Variants in HDAC4 observed in about 807,000 individuals in gnomAD.
HDAC4 encodes the protein histone deacetylase 4.
In HDAC4, 16 loss-of-function variants were observed where a neutral mutation model predicts 135.1. The observed-to-expected ratio is 0.12, with a 90% CI of 0.08 to 0.18. The LOEUF is 0.18. HDAC4 is among the 10% of genes least tolerant of loss of function. The probability of loss-of-function intolerance (pLI) is 1.00; values close to 1 mark genes in which losing one functional copy is unlikely to be tolerated. For missense variants in HDAC4, 1,143 were observed against 1,511.8 expected, an observed-to-expected ratio of 0.76 and a Z score of 4.05; for synonymous variants, 685 against 653.4, an observed-to-expected ratio of 1.05 and a Z score of -0.74.
At chr2:239,385,123 C>G (rs1008419430) in intron 1 of HDAC4, among the ~76,000 whole-genome samples, 1 of 152,246 alleles carries the variant, frequency 6.6e-6, no homozygotes, top group African/African-American at 2.4e-5. Context: ...CCGGCCGCCT[C>G]CACAGGACTG....
chr2:239,278,661 G>A (rs2050532340), intron 2 of HDAC4, among the ~76,000 whole-genome samples: 1 of 152,224 alleles, frequency 6.6e-6, no homozygotes, highest in Non-Finnish European at 1.5e-5. Context: ...GACAGAGGGA[G>A]ACTGTCTCAA....
In HDAC4 at chr2:239,052,662, T is replaced by A; in HGVS notation, c.*435A>T. 1 of 224,528 alleles carries A rather than the reference T, an allele frequency of 4.5e-6. No individual in the cohort carries two copies. The highest frequency in any genetic ancestry group is 9.1e-6 in the Non-Finnish European group (1 of 110,494). The allele number at this position is 224,528 out of a possible 1,614,324, so 13.9% of individuals were successfully genotyped here. ...AGTGGTTTACACAGAGACTGTGGAGTTGTGGGTAATAAACTTTAAGCACCA... is the reference window on the plus strand; with the variant it reads ...AGTGGTTTACACAGAGACTGTGGAGATGTGGGTAATAAACTTTAAGCACCA... On this transcript the variant is annotated 3_prime_UTR_variant, in exon 27 of 27. Coordinates refer to ENST00000543185, the MANE Select transcript of HDAC4 (RefSeq NM_001378414.1).
rs565476402 is a variant in HDAC4, at chr2:239,202,649, C to T, written c.95-12572G>A. ...TCACAGGGACAGGATGCACCCTCCA[C>T]GCGGGAGGGGCGGTGGCAGGGCCAT... On this transcript the variant is annotated intron_variant, in intron 3 of 26. Transcript: ENST00000543185. Among the ~76,000 whole-genome samples the T allele has an allele frequency of 1.7e-4, 26 of 152,176 alleles. No homozygotes were observed. The South Asian group carries it at 2.5e-3, about 15-fold the overall frequency.
chr2:239,069,519 C>T, intron 22 of HDAC4, among the ~76,000 whole-genome samples: 1 of 118,974 alleles, frequency 8.4e-6, no homozygotes, highest in Non-Finnish European at 1.8e-5. Flanking sequence ...ACGGTGCAAG[C>T]CAGCAAGCCC....
At chr2:239,297,027 T>TAAAA (rs71043186) in intron 2 of HDAC4, among the ~76,000 whole-genome samples, 8 of 118,202 alleles carry the variant, frequency 6.8e-5, no homozygotes, top group South Asian at 5.6e-4. Context: ...TGTTTTCATG[T>TAAAA]AAAAAAAAAA....
chr2:239,070,256 A>G (rs1342570358), intron 22 of HDAC4, among the ~76,000 whole-genome samples: 1 of 152,260 alleles, frequency 6.6e-6, no homozygotes, highest in African/African-American at 2.4e-5. Flanking sequence ...AGGGAATTAC[A>G]ACACAAGACA....
chr2:239,119,433 A>G (rs1017784838), intron 12 of HDAC4, among the ~76,000 whole-genome samples: 2 of 152,164 alleles, frequency 1.3e-5, no homozygotes, highest in African/African-American at 2.4e-5. Flanking sequence ...GACAGGGCTC[A>G]GACCACAGGC....
At chr2:239,381,097 G>A (rs1403286898) in intron 1 of HDAC4, among the ~76,000 whole-genome samples, 1 of 152,118 alleles carries the variant, frequency 6.6e-6, no homozygotes, top group Non-Finnish European at 1.5e-5. Flanking sequence ...AACACGTGAC[G>A]TACACGCGAT....
chr2:239,386,468 T>C (rs1320461746), intron 1 of HDAC4, among the ~76,000 whole-genome samples: 1 of 151,966 alleles, frequency 6.6e-6, no homozygotes, highest in Non-Finnish European at 1.5e-5. Flanking sequence ...AGGGTGCAGG[T>C]CCTGGGGGCA....
At chr2:239,382,978 C>CCT (rs1355666305) in intron 1 of HDAC4, among the ~76,000 whole-genome samples, 4 of 152,162 alleles carry the variant, frequency 2.6e-5, no homozygotes, top group Non-Finnish European at 5.9e-5. Context: ...GATCCACCCA[C>CCT]CTCGGCCTCC....
intron 1 of HDAC4, among the ~76,000 whole-genome samples, chr2:239,361,200 C>T (rs931465051): frequency 3.3e-5 from 5 of 152,194 alleles, no homozygotes; most frequent in African/African-American, 1.2e-4. Flanking sequence ...TGGCCCAAGG[C>T]ACACAGTAGG....
At chr2:239,401,625 C>T (rs1697007110), upstream of HDAC4, 1 of 250,638 alleles carries the variant, frequency 4.0e-6, no homozygotes, top group Non-Finnish European at 7.8e-6. Flanking sequence ...CAGGCCTCGC[C>T]GCGGCGTCCA....
intron 3 of HDAC4, among the ~76,000 whole-genome samples, chr2:239,201,633 A>G (rs2045761649): frequency 6.6e-6 from 1 of 152,176 alleles, no homozygotes. Context: ...CCGAGACAAC[A>G]GCCCCAGAGG....
chr2:239,239,770 C>T (rs779375464), intron 2 of HDAC4, among the ~76,000 whole-genome samples: 5 of 152,308 alleles, frequency 3.3e-5, no homozygotes, highest in South Asian at 4.1e-4. Flanking sequence ...TGGAAATGCT[C>T]GAAGGGAAAG....
intron 3 of HDAC4, among the ~76,000 whole-genome samples, chr2:239,204,142 A>G (rs1393554386): frequency 1.3e-5 from 2 of 152,312 alleles, no homozygotes; most frequent in Non-Finnish European, 2.9e-5. Flanking sequence ...CTCATTTCTA[A>G]GCATCTAGCC....
intron 2 of HDAC4, among the ~76,000 whole-genome samples, chr2:239,282,756 T>C (rs1343400872): frequency 6.9e-6 from 1 of 145,272 alleles, no homozygotes; most frequent in Non-Finnish European, 1.5e-5. Flanking sequence ...CTACACACAA[T>C]GTACACACCA....
chr2:239,310,892 C>A (rs1287867171), intron 2 of HDAC4, among the ~76,000 whole-genome samples: 1 of 152,214 alleles, frequency 6.6e-6, no homozygotes, highest in African/African-American at 2.4e-5. Flanking sequence ...AGGTTAGCCA[C>A]GTCCAACACC....
chr2:239,160,718 C>A (rs904125793), intron 6 of HDAC4, among the ~76,000 whole-genome samples: 6 of 152,248 alleles, frequency 3.9e-5, no homozygotes, highest in African/African-American at 1.4e-4. Flanking sequence ...CCCCAGTTTG[C>A]GCGGCCGTTC....
In HDAC4 at chr2:239,240,544, CACACGCCTGCTGCAAG is replaced by C. The variant is rs2048120172; in HGVS notation, c.23-3896_23-3881del. On this transcript the variant is annotated intron_variant, in intron 2 of 26. Transcript: ENST00000543185. This position sits in a 1 kb window ranked among gnomAD's most constrained non-coding sequence, Gnocchi z 4.5. The stretch of plus-strand genomic sequence containing the variant: ...GGGAAGCAAAGTACCACTTCCTCAT[CACACGCCTGCTGCAAG>C]CAGGTTCCCCCTTATCTGTCTCCGC... Among the ~76,000 whole-genome samples the C allele has an allele frequency of 6.6e-6, 1 of 152,190 alleles. No homozygotes were observed.
Sources: gnomAD v4.1 joint callset for allele counts (sites outside exome capture counted in the v4.1 genomes callset) on GRCh38, gnomAD v4.1.1 for gene constraint, Gnocchi (gnomAD v3.1) non-coding constraint, MANE v1.5 for transcripts, NCBI Gene and HGNC (gene_info 2026-07-23, HGNC 2026-07-21) for gene names.